Variants in CUL3 observed in about 807,000 individuals in gnomAD.
The protein encoded by CUL3 is cullin-3.
CUL3 carries 19 observed loss-of-function variants against 89.1 expected under a neutral mutation model. The ratio of observed to expected loss-of-function variants is 0.21; its 90% confidence interval spans 0.15 to 0.31. The LOEUF (loss-of-function observed/expected upper bound fraction) is 0.31. Ranked by LOEUF, CUL3 falls within the 10% of genes least tolerant of loss-of-function variation. The pLI is 1.00. For synonymous variants in CUL3, 351 were observed against 308.4 expected (o/e 1.14, Z -1.45); for missense variants, 469 against 942.3 (o/e 0.50, Z 6.58).
intron 1 of CUL3, among the ~76,000 whole-genome samples, chr2:224,582,430 T>C (rs992619513): frequency 7.2e-5 from 11 of 152,350 alleles, no homozygotes; most frequent in African/African-American, 2.4e-4. Context: ...CACTGAGATA[T>C]ACATCTATCT....
intron 1 of CUL3, among the ~76,000 whole-genome samples, chr2:224,579,571 T>C (rs912832323): frequency 2.6e-5 from 4 of 152,228 alleles, no homozygotes; most frequent in Non-Finnish European, 5.9e-5. Flanking sequence ...TAAAACTCCT[T>C]CACTAATGTG....
intron 1 of CUL3, chr2:224,560,405 T>C: frequency 6.6e-6 from 1 of 152,418 alleles, no homozygotes; most frequent in East Asian, 1.9e-4. Context: ...ACTCAATGTT[T>C]CCACTTTAAT....
chr2:224,487,998 G>C lies in CUL3; in HGVS notation c.1843-5920C>G, dbSNP rs868664980. 5.3e-5 allele frequency among the ~76,000 whole-genome samples: 8 copies of C among 152,224 alleles called. No homozygotes were observed. In the Middle Eastern group the frequency reaches 0.014, roughly 259 times the overall value. On this transcript the variant is annotated intron_variant, in intron 13 of 15. Coordinates refer to ENST00000264414, the MANE Select transcript of CUL3 (RefSeq NM_003590.5). ...TGAACAACCTGTTCCTGAATGACTA[G>C]TGGGTAAATAACACAATGAAGGCAG...
At chr2:224,522,233 G>T (rs2106238714) in intron 3 of CUL3, among the ~76,000 whole-genome samples, 1 of 152,014 alleles carries the variant, frequency 6.6e-6, no homozygotes, top group Non-Finnish European at 1.5e-5. Flanking sequence ...GATTTAAAAA[G>T]GTTTAACACA....
intron 1 of CUL3, among the ~76,000 whole-genome samples, chr2:224,558,542 C>G (rs1220938315): frequency 6.6e-6 from 1 of 152,160 alleles, no homozygotes; most frequent in African/African-American, 2.4e-5. Flanking sequence ...TTCTTGTGCT[C>G]AAAGTGCCAA....
intron 6 of CUL3, 104 bp downstream of exon 6, chr2:224,511,250 A>G: frequency 1.3e-6 from 1 of 791,052 alleles, no homozygotes; most frequent in Admixed American, 2.8e-5. Context: ...TACACACCAA[A>G]ACTTCTTGAA....
intron 1 of CUL3, among the ~76,000 whole-genome samples, chr2:224,568,026 C>G (rs1695089002): frequency 6.6e-6 from 1 of 152,204 alleles, no homozygotes; most frequent in Admixed American, 6.5e-5. Context: ...CACAGCCCCT[C>G]CCCACTTATT....
At chr2:224,506,265 A>G in intron 7 of CUL3, 133 bp from the exon 8 acceptor site, 1 of 615,740 alleles carries the variant, frequency 1.6e-6, no homozygotes, top group Non-Finnish European at 2.6e-6. Flanking sequence ...TACAGTTTTG[A>G]TATTATTTTC....
chr2:224,519,606 G>A (rs968694481), intron 3 of CUL3, among the ~76,000 whole-genome samples: 3 of 152,144 alleles, frequency 2.0e-5, no homozygotes, highest in Non-Finnish European at 4.4e-5. Flanking sequence ...AGAAACTTAA[G>A]TGTGGCTCTA....
At chr2:224,554,805 T>C (rs1694643823) in intron 2 of CUL3, among the ~76,000 whole-genome samples, 1 of 152,218 alleles carries the variant, frequency 6.6e-6, no homozygotes, top group Non-Finnish European at 1.5e-5. Context: ...TTCTTTTCCA[T>C]TGTTCTTAAT....
intron 13 of CUL3, among the ~76,000 whole-genome samples, chr2:224,483,598 A>G (rs540394958): frequency 1.3e-5 from 2 of 152,330 alleles, no homozygotes; most frequent in African/African-American, 4.8e-5. Context: ...ATATATACAC[A>G]TGAATACAAG....
rs1691156513 is a variant in CUL3, at chr2:224,472,246, A to G, written c.*1999T>C. 4.5e-6 allele frequency: 1 copy of G among 220,058 alleles called. No homozygotes were observed. The highest frequency in any genetic ancestry group is 9.1e-6 in the Non-Finnish European group (1 of 109,796). The allele number at this position is 220,058 out of a possible 1,614,324, so 13.6% of individuals were successfully genotyped here. ...GATTTTTACAGCCACACTTGAGACAATGACGTAAACTTAAACTTTACTTTT... is the reference window on the plus strand; with the variant it reads ...GATTTTTACAGCCACACTTGAGACAGTGACGTAAACTTAAACTTTACTTTT... On this transcript the variant is annotated 3_prime_UTR_variant, in exon 16 of 16. Transcript: ENST00000264414.
At chr2:224,497,250 T>C (rs1692202473) in intron 12 of CUL3, among the ~76,000 whole-genome samples, 1 of 152,154 alleles carries the variant, frequency 6.6e-6, no homozygotes, top group African/African-American at 2.4e-5. Context: ...CCTCACAATC[T>C]AGATATAAAA....
chr2:224,523,963 T>A (rs1023958904), intron 3 of CUL3, among the ~76,000 whole-genome samples: 2 of 152,106 alleles, frequency 1.3e-5, no homozygotes, highest in Non-Finnish European at 2.9e-5. Context: ...TTTTGCAAGA[T>A]GAAAAGAATT....
At chr2:224,530,947 G>A (rs748143642) in intron 3 of CUL3, among the ~76,000 whole-genome samples, 1 of 151,994 alleles carries the variant, frequency 6.6e-6, no homozygotes, top group African/African-American at 2.4e-5. Context: ...CCATAAAAAT[G>A]TACTTTTAAG....
In CUL3 at chr2:224,557,587, A is replaced by T. The variant is rs547670616; in HGVS notation, c.264+72T>A. On this transcript the variant is annotated intron_variant, in intron 2 of 15. Coordinates refer to ENST00000264414, the MANE Select transcript of CUL3 (RefSeq NM_003590.5). ...ACCTTTAAAAAGAACACTTCCGGTC[A>T]AAGTGCAATATGGTATAAAGGATTT... is the stretch of plus-strand genomic sequence containing the variant. 623 of 1,048,998 alleles carry T rather than the reference A, an allele frequency of 5.9e-4. 6 individuals are homozygous for T. The highest frequency in any genetic ancestry group is 5.1e-3 in the South Asian group (307 of 60,422). 65.0% of individuals were successfully genotyped at this position (1,048,998 alleles called of 1,614,324 possible).
At chr2:224,540,859 C>T (rs2106274301) in intron 2 of CUL3, among the ~76,000 whole-genome samples, 1 of 152,236 alleles carries the variant, frequency 6.6e-6, no homozygotes, top group East Asian at 1.9e-4. Context: ...TCTTCTGTGT[C>T]CACGTGTTCT....
In CUL3 at chr2:224,474,280, G is replaced by A. The variant is rs1691236757; in HGVS notation, c.2272C>T (p.Pro758Ser). The change falls in exon 16 of 16, where the codon CCT becomes TCT. Residue 758 changes from proline to serine, a missense_variant. Coordinates refer to ENST00000264414, the MANE Select transcript of CUL3 (RefSeq NM_003590.5). Reference sequence around the variant, plus strand: ...TATGTGTATACTTTGCGATCCTCAGGTGTTCGTGCCAAATATTCTCTCTCA... The same window carrying A: ...TATGTGTATACTTTGCGATCCTCAGATGTTCGTGCCAAATATTCTCTCTCA... ...LIEREYLARTPEDRKVYTYVA is the reference protein window; with the variant it reads ...LIEREYLARTSEDRKVYTYVA 6.2e-7 allele frequency: 1 copy of A among 1,613,932 alleles called. No individual in the cohort carries two copies. Among genetic ancestry groups the A allele is most frequent in the Non-Finnish European group, 8.5e-7 (1 of 1,179,878 alleles).
chr2:224,560,127 C>G (rs1694858265), intron 1 of CUL3, among the ~76,000 whole-genome samples: 1 of 152,118 alleles, frequency 6.6e-6, no homozygotes, highest in Admixed American at 6.6e-5. Context: ...CACTTAACTT[C>G]CAAGCACTAC....
Sources: gnomAD v4.1 joint callset for allele counts (sites outside exome capture counted in the v4.1 genomes callset) on GRCh38, gnomAD v4.1.1 for gene constraint, MANE v1.5 for transcripts, NCBI Gene and HGNC (gene_info 2026-07-23, HGNC 2026-07-21) for gene names.